The following SLC35F4 variants were observed in gnomAD, a reference collection of about 807,000 sequenced individuals.
SLC35F4 encodes the protein solute carrier family 35 member F4.
Under a neutral mutation model 44.2 loss-of-function variants are expected in SLC35F4, and 24 were observed. That is an observed-to-expected ratio of 0.54 (90% CI 0.39 to 0.76). The LOEUF is 0.76. Ranked by LOEUF, SLC35F4 falls within the 30% of genes least tolerant of loss-of-function variation. The pLI is 0.00. For missense variants in SLC35F4, 562 were observed against 586.1 expected, an observed-to-expected ratio of 0.96 and a Z score of 0.42; for synonymous variants, 238 against 223.6, an observed-to-expected ratio of 1.06 and a Z score of -0.57.
intron 1 of SLC35F4, among the ~76,000 whole-genome samples, chr14:57,806,692 C>T (rs1210593914): frequency 6.6e-6 from 1 of 152,190 alleles, no homozygotes; most frequent in African/African-American, 2.4e-5. Context: ...TAGACACTCT[C>T]CGATTTATGA....
intron 1 of SLC35F4, among the ~76,000 whole-genome samples, chr14:57,733,925 T>C (rs1234057325): frequency 1.3e-5 from 2 of 152,164 alleles, no homozygotes; most frequent in Admixed American, 1.3e-4. Flanking sequence ...CTAGCTAGTA[T>C]TTGTAAAATA....
chr14:57,933,399 T>G (rs1454010048), intron 1 of SLC35F4, among the ~76,000 whole-genome samples: 1 of 152,170 alleles, frequency 6.6e-6, no homozygotes, highest in African/African-American at 2.4e-5. Context: ...AGCTCGTGAT[T>G]TACAACACAG....
intron 1 of SLC35F4, among the ~76,000 whole-genome samples, chr14:57,891,360 T>C (rs1038398933): frequency 2.0e-5 from 3 of 152,156 alleles, no homozygotes; most frequent in Admixed American, 6.6e-5. Context: ...GTTTACTTTA[T>C]ATTCACAAAA....
intron 1 of SLC35F4, among the ~76,000 whole-genome samples, chr14:57,895,538 G>A (rs1382919710): frequency 2.0e-5 from 3 of 151,938 alleles, no homozygotes; most frequent in Middle Eastern, 6.8e-3. Flanking sequence ...AGATCTGATG[G>A]TTTAAAAGCA....
At chr14:57,963,668 T>C (rs1890379631) in intron 1 of SLC35F4, among the ~76,000 whole-genome samples, 1 of 151,448 alleles carries the variant, frequency 6.6e-6, no homozygotes, top group South Asian at 2.1e-4. Context: ...GGACTCATCT[T>C]TGACCCAGAG....
chr14:57,676,738 C>T (rs2074707755), intron 1 of SLC35F4, among the ~76,000 whole-genome samples: 1 of 151,860 alleles, frequency 6.6e-6, no homozygotes. Flanking sequence ...GCAAGAATGG[C>T]CATAATTAAA....
chr14:57,794,604 T>C (rs1390010414), intron 1 of SLC35F4, among the ~76,000 whole-genome samples: 1 of 152,110 alleles, frequency 6.6e-6, no homozygotes, highest in Middle Eastern at 3.2e-3. Flanking sequence ...TTCTCTTTTA[T>C]AGTAGCCTTG....
At chr14:57,628,105 G>C (rs1032983764) in intron 1 of SLC35F4, among the ~76,000 whole-genome samples, 2 of 151,506 alleles carry the variant, frequency 1.3e-5, no homozygotes, top group African/African-American at 4.9e-5. Flanking sequence ...TACATTTTTG[G>C]TACGTACATT....
intron 1 of SLC35F4, among the ~76,000 whole-genome samples, chr14:57,952,198 G>A (rs780229681): frequency 7.2e-5 from 11 of 152,130 alleles, no homozygotes; most frequent in African/African-American, 1.2e-4. Flanking sequence ...AGAGGGGCCT[G>A]GCTGTTAGGA....
intron 1 of SLC35F4, among the ~76,000 whole-genome samples, chr14:57,929,050 A>AG (rs1322324769): frequency 6.6e-6 from 1 of 152,228 alleles, no homozygotes; most frequent in Non-Finnish European, 1.5e-5. Context: ...CAAATTTTCC[A>AG]GGGAAAAAGT....
At chr14:57,681,545 A>C (rs749039872) in intron 1 of SLC35F4, among the ~76,000 whole-genome samples, 2 of 152,166 alleles carry the variant, frequency 1.3e-5, no homozygotes, top group Non-Finnish European at 2.9e-5. Context: ...AAAACCATAA[A>C]AACTCTAGAA....
intron 1 of SLC35F4, among the ~76,000 whole-genome samples, chr14:57,713,533 C>G (rs1282311601): frequency 6.6e-6 from 1 of 152,196 alleles, no homozygotes; most frequent in Non-Finnish European, 1.5e-5. Context: ...GAGAAATTTT[C>G]TCTGCCAAAT....
intron 1 of SLC35F4, among the ~76,000 whole-genome samples, chr14:57,700,369 C>T (rs2075502970): frequency 6.6e-6 from 1 of 152,080 alleles, no homozygotes; most frequent in African/African-American, 2.4e-5. Flanking sequence ...AGGAAGTTTA[C>T]AAATTGCTCT....
At chr14:57,863,680 G>A (rs763602880) in intron 1 of SLC35F4, among the ~76,000 whole-genome samples, 3 of 152,128 alleles carry the variant, frequency 2.0e-5, no homozygotes, top group Non-Finnish European at 4.4e-5. Context: ...CATGGTGCTC[G>A]GTTCCCTGGC....
At chr14:57,761,961 C>A (rs1042507868) in intron 1 of SLC35F4, among the ~76,000 whole-genome samples, 1 of 152,072 alleles carries the variant, frequency 6.6e-6, no homozygotes, top group Non-Finnish European at 1.5e-5. Flanking sequence ...AGCTGTAGTG[C>A]CTATCTAGGA....
At chr14:57,766,757 TAA>T (rs1272052871) in intron 1 of SLC35F4, among the ~76,000 whole-genome samples, 2 of 152,134 alleles carry the variant, frequency 1.3e-5, no homozygotes, top group East Asian at 1.9e-4. Flanking sequence ...CAAGCAGAAT[TAA>T]AAGTGTTCAA....
chr14:57,703,596 A>G (rs2075596902), intron 1 of SLC35F4, among the ~76,000 whole-genome samples: 1 of 152,176 alleles, frequency 6.6e-6, no homozygotes, highest in African/African-American at 2.4e-5. Context: ...TTCCCCATAC[A>G]ATTAGGGGTC....
chr14:57,570,035 G>GT (rs1566625170), intron 5 of SLC35F4, 55 bp from the exon 6 acceptor site: 13 of 1,490,732 alleles, frequency 8.7e-6, no homozygotes, highest in South Asian at 1.4e-5. Flanking sequence ...GAGCAGAAAC[G>GT]TAAGTCTTAC....
Position 57,564,074 on chromosome 14 carries a change from T to G in SLC35F4, c.*61A>C. The stretch of plus-strand genomic sequence containing the variant: ...TACTGTCGTTTGAGTGTACAGGTAG[T>G]GAGAAAATTTTGTTATATTCACAGA... On this transcript the variant is annotated 3_prime_UTR_variant, in exon 8 of 8. Transcript: ENST00000556826. The G allele has an allele frequency of 6.3e-7, 1 of 1,586,780 alleles. No homozygotes were observed. The highest frequency in any genetic ancestry group is 1.7e-5 in the Admixed American group (1 of 58,752).
Sources: allele counts gnomAD v4.1 joint callset (sites outside exome capture counted in the v4.1 genomes callset), GRCh38; gene constraint gnomAD v4.1.1; transcripts MANE v1.5; gene names NCBI Gene and HGNC (gene_info 2026-07-23, HGNC 2026-07-21).